The following STK35 variants were observed in gnomAD, a reference collection of about 807,000 sequenced individuals.
STK35 encodes serine/threonine kinase 35.
In STK35, 17 loss-of-function variants were observed where a neutral mutation model predicts 37.3. The observed-to-expected ratio is 0.46, with a 90% confidence interval of 0.31 to 0.68. STK35 has a LOEUF of 0.68. STK35 is among the 30% of genes least tolerant of loss of function. The pLI is 0.05. For missense variants in STK35, 595 were observed against 746.7 expected (o/e 0.80, Z 2.37); for synonymous variants, 385 against 319.1 (o/e 1.21, Z -2.20).
chr20:2,144,200 C>T lies in STK35; in HGVS notation c.*454C>T, dbSNP rs1986219453. ...CAGTTCTACTTATGACACCTCACTTCCCTAGAGAAGGCCTGCCTCCCCATA... is the reference window on the plus strand; with the variant it reads ...CAGTTCTACTTATGACACCTCACTTTCCTAGAGAAGGCCTGCCTCCCCATA... On this transcript the variant is annotated 3_prime_UTR_variant, in exon 4 of 4. Transcript: ENST00000381482. 4 of 269,032 alleles carry T rather than the reference C, an allele frequency of 1.5e-5. No homozygotes were observed. The highest frequency in any genetic ancestry group is 1.3e-4 in the South Asian group (4 of 30,514). 16.7% of individuals were successfully genotyped at this position (269,032 alleles called of 1,614,324 possible).
At chr20:2,102,421 CAG>C (rs1472942422) in intron 1 of STK35, among the ~76,000 whole-genome samples, 1 of 152,198 alleles carries the variant, frequency 6.6e-6, no homozygotes, top group Non-Finnish European at 1.5e-5. Context: ...AGGAGCGTCA[CAG>C]AGGGGGCCAA....
At chr20:2,139,402 A>G (rs1224836658) in intron 3 of STK35, among the ~76,000 whole-genome samples, 1 of 152,216 alleles carries the variant, frequency 6.6e-6, no homozygotes, top group Non-Finnish European at 1.5e-5. Context: ...TAAGCCTTCC[A>G]TGAGCCTTTT....
chr20:2,102,029 G>T lies in STK35; in HGVS notation c.148G>T (p.Ala50Ser). The change falls in exon 1 of 4, where the codon GCA becomes TCA. Residue 50 changes from alanine to serine, a missense_variant. Physicochemically the swap from Ala to Ser is moderately conservative, Grantham distance 99 (BLOSUM62 1). Transcript: ENST00000381482. ...AQASPASAAA[A>S]EGSATRRARA... ...GGCTTCCCCAGCGAGCGCCGCGGCA[G>T]CAGAAGGATCCGCTACACGCCGGGC... 6.5e-7 allele frequency: 1 copy of T among 1,527,738 alleles called. No individual in the cohort carries two copies. Among genetic ancestry groups the T allele is most frequent in the South Asian group, 1.2e-5 (1 of 83,282 alleles). 94.6% of individuals were successfully genotyped at this position (1,527,738 alleles called of 1,614,324 possible).
intron 3 of STK35, among the ~76,000 whole-genome samples, chr20:2,135,510 C>T (rs1986071647): frequency 6.6e-6 from 1 of 152,180 alleles, no homozygotes; most frequent in African/African-American, 2.4e-5. Flanking sequence ...GCTAAAGAGA[C>T]TTATAGGATA....
At position 2,145,000 on chromosome 20, in the gene STK35, G is replaced by T. The variant is rs754911414; in HGVS notation, c.*1254G>T. Reference sequence around the variant, plus strand: ...GACCTGCCCAGAGCAGGGAGGTGTCGTGGAACTGGGTAGACCCCCTGCAGC... The same window carrying T: ...GACCTGCCCAGAGCAGGGAGGTGTCTTGGAACTGGGTAGACCCCCTGCAGC... On this transcript the variant is annotated 3_prime_UTR_variant, in exon 4 of 4. Coordinates refer to ENST00000381482, the MANE Select transcript of STK35 (RefSeq NM_080836.4). The T allele has an allele frequency of 6.6e-6, 1 of 152,366 alleles. No individual in the cohort carries two copies. Among genetic ancestry groups the T allele is most frequent in the Non-Finnish European group, 1.5e-5 (1 of 68,104 alleles). The allele number at this position is 152,366 out of a possible 1,614,324, so 9.4% of individuals were successfully genotyped here. A position where few individuals can be genotyped will look rare whatever the true frequency, so the allele number is the denominator to read the frequency against.
intron 3 of STK35, among the ~76,000 whole-genome samples, chr20:2,127,002 G>A (rs900154608): frequency 2.6e-5 from 4 of 152,204 alleles, no homozygotes; most frequent in African/African-American, 7.2e-5. Flanking sequence ...GCTGCAAAAA[G>A]CATCTTGATG....
chr20:2,135,720 G>C (rs141254414), intron 3 of STK35, among the ~76,000 whole-genome samples: 1 of 152,128 alleles, frequency 6.6e-6, no homozygotes, highest in African/African-American at 2.4e-5. Flanking sequence ...AAAATTAGCC[G>C]GGCGTGGTGG....
chr20:2,138,853 G>A (rs971023540), intron 3 of STK35, among the ~76,000 whole-genome samples: 9 of 152,102 alleles, frequency 5.9e-5, no homozygotes, highest in African/African-American at 2.2e-4. Flanking sequence ...ATGAGACCCC[G>A]TCCCTACAAA....
chr20:2,112,619 T>C (rs966385312), intron 2 of STK35, among the ~76,000 whole-genome samples: 1 of 152,124 alleles, frequency 6.6e-6, no homozygotes, highest in Non-Finnish European at 1.5e-5. Flanking sequence ...TCGGGCAGAC[T>C]CTGAAGCCTT....
Position 2,144,740 on chromosome 20 carries a change from G to C in STK35, c.*994G>C, listed in dbSNP as rs1163305719. On this transcript the variant is annotated 3_prime_UTR_variant, in exon 4 of 4. Coordinates refer to ENST00000381482, the MANE Select transcript of STK35 (RefSeq NM_080836.4). ...CCCAGATGTGTCCCATAGTGTCCAG[G>C]TGTCACAGAGACGGCCTGAGGCCCT... The C allele has an allele frequency of 6.5e-6, 1 of 152,882 alleles. No homozygotes were observed. Among genetic ancestry groups the C allele is most frequent in the Non-Finnish European group, 1.5e-5 (1 of 68,090 alleles). 9.5% of individuals were successfully genotyped at this position (152,882 alleles called of 1,614,324 possible).
At chr20:2,126,253 G>A (rs1985904271) in intron 3 of STK35, among the ~76,000 whole-genome samples, 1 of 152,174 alleles carries the variant, frequency 6.6e-6, no homozygotes, top group Non-Finnish European at 1.5e-5. Context: ...GGCATTGATT[G>A]TTTAGACCCC....
chr20:2,118,270 T>C (rs985667224), intron 3 of STK35, among the ~76,000 whole-genome samples: 4 of 152,214 alleles, frequency 2.6e-5, no homozygotes, highest in African/African-American at 9.7e-5. Context: ...AACAGATTTT[T>C]TCCATTTTAG....
chr20:2,139,175 C>T (rs1986133772), intron 3 of STK35, among the ~76,000 whole-genome samples: 1 of 152,164 alleles, frequency 6.6e-6, no homozygotes, highest in Admixed American at 6.5e-5. Context: ...TCCTTGTCTC[C>T]AGCCCCATCC....
chr20:2,109,472 C>T (rs6137010), intron 2 of STK35, among the ~76,000 whole-genome samples: 15,094 of 152,262 alleles, frequency 0.099, 2,675 homozygotes, highest in East Asian at 0.81. Flanking sequence ...TAATCATCAC[C>T]ACTGTAAAGT....
intron 3 of STK35, among the ~76,000 whole-genome samples, chr20:2,118,304 A>T (rs1985755233): frequency 6.6e-6 from 1 of 152,224 alleles, no homozygotes; most frequent in Non-Finnish European, 1.5e-5. Flanking sequence ...TGTATTAGTG[A>T]ATATTTATGT....
rs1212910025 is a variant in STK35, at chr20:2,146,433, A to G, written c.*2687A>G. The G allele has an allele frequency of 2.0e-5, 3 of 152,760 alleles. No homozygotes were observed. Among genetic ancestry groups the G allele is most frequent in the East Asian group, 1.9e-4 (1 of 5,196 alleles). 9.5% of individuals were successfully genotyped at this position (152,760 alleles called of 1,614,324 possible). Reference sequence around the variant, plus strand: ...CCTGCCCAAGTTCTAGTAGTATTCAAAACTTCAAACGGCAGTCATTTGTTC... The same window carrying G: ...CCTGCCCAAGTTCTAGTAGTATTCAGAACTTCAAACGGCAGTCATTTGTTC... On this transcript the variant is annotated 3_prime_UTR_variant, in exon 4 of 4. Transcript: ENST00000381482.
At chr20:2,113,005 G>T (rs1427249788) in intron 2 of STK35, among the ~76,000 whole-genome samples, 2 of 152,206 alleles carry the variant, frequency 1.3e-5, no homozygotes, top group African/African-American at 4.8e-5. Context: ...TGGGTCGGGA[G>T]CCCACTGTGA....
At chr20:2,140,237 A>G (rs1986151682) in intron 3 of STK35, among the ~76,000 whole-genome samples, 2 of 152,302 alleles carry the variant, frequency 1.3e-5, no homozygotes, top group Non-Finnish European at 2.9e-5. Flanking sequence ...GGCTCTGGTC[A>G]GAGGTAGGGG....
In STK35 at chr20:2,103,227, AC is replaced by A; in HGVS notation, c.756del (p.Ser253AlafsTer22). 1 of 1,612,440 alleles carries A rather than the reference AC, an allele frequency of 6.2e-7. No homozygotes were observed. Among genetic ancestry groups the A allele is most frequent in the Non-Finnish European group, 8.5e-7 (1 of 1,179,780 alleles). ...GGCGCTGGCTGAATTCTGGGCCCTC[AC>A]CAGCCTCAAGCGGCGCCACCAGAAC... ...ELALAEFWAL[T>X]SLKRRHQNVV... is the part of the protein sequence containing the mutation. On this transcript the variant is annotated frameshift_variant, in exon 2 of 4. Transcript: ENST00000381482. LOFTEE classifies it high-confidence loss of function.
Sources: gnomAD v4.1 joint callset for allele counts (sites outside exome capture counted in the v4.1 genomes callset) on GRCh38, gnomAD v4.1.1 for gene constraint, MANE v1.5 for transcripts, NCBI Gene and HGNC (gene_info 2026-07-23, HGNC 2026-07-21) for gene names.